Variants in ZNF83 observed in about 807,000 individuals in gnomAD.
ZNF83 encodes zinc finger protein 83, also known as zinc finger protein 816B.
For synonymous variants in ZNF83, 209 were observed against 213.0 expected, an observed-to-expected ratio of 0.98 and a Z score of 0.17; for missense variants, 552 against 629.9, an observed-to-expected ratio of 0.88 and a Z score of 1.32.
chr19:52,636,194 G>A (rs910518906), intron 1 of ZNF83: 4 of 151,756 alleles, frequency 2.6e-5, no homozygotes, highest in African/African-American at 9.7e-5. Flanking sequence ...TCATCACTGT[G>A]GTCCCAGCTA....
rs147161603 is a variant in ZNF83 at position 52,617,260 on chromosome 19, A to T, written c.-233-2463T>A. On this transcript the variant is annotated intron_variant, in intron 2 of 2. Coordinates refer to ENST00000301096, the Ensembl canonical transcript of ZNF83. ...GTGTTGCTGACCATGTCACTTGGTAATCCTTCCTAGACAGCGGTATGTCCA... is the reference window on the plus strand; with the variant it reads ...GTGTTGCTGACCATGTCACTTGGTATTCCTTCCTAGACAGCGGTATGTCCA... 5.9e-5 allele frequency: 9 copies of T among 152,348 alleles called. No homozygotes were observed. In the East Asian group the frequency reaches 1.7e-3, roughly 29 times the overall value. The allele number at this position is 152,348 out of a possible 1,614,324, so 9.4% of individuals were successfully genotyped here.
At chr19:52,641,319 A>G (rs993410414), upstream of ZNF83, among the ~76,000 whole-genome samples, 5 of 152,254 alleles carry the variant, frequency 3.3e-5, no homozygotes, top group African/African-American at 1.2e-4. Flanking sequence ...GTCTGCCTCA[A>G]GAACATAGCA....
chr19:52,684,556 G>A (rs12975331), intron 1 of ZNF83, among the ~76,000 whole-genome samples: 79,709 of 123,986 alleles, frequency 0.64, 23,384 homozygotes, highest in African/African-American at 0.73. Context: ...TCTAAAAAAA[G>A]AAAAAAAAAG....
upstream of ZNF83, among the ~76,000 whole-genome samples, chr19:52,639,427 T>C (rs993063238): frequency 1.7e-4 from 25 of 143,884 alleles, no homozygotes; most frequent in Middle Eastern, 7.1e-3. Flanking sequence ...TTTTTTTTTT[T>C]TTTTTTTTTG....
At chr19:52,645,510 A>T (rs935909812) in intron 3 of ZNF83, among the ~76,000 whole-genome samples, 1 of 152,158 alleles carries the variant, frequency 6.6e-6, no homozygotes, top group African/African-American at 2.4e-5. Flanking sequence ...AATTTTGAAA[A>T]CTAAGATTTA....
At position 52,633,310 on chromosome 19, in the gene ZNF83, T is replaced by C. The variant is rs1003476657; in HGVS notation, c.-234+1756A>G. On this transcript the variant is annotated intron_variant, in intron 2 of 2. Coordinates refer to ENST00000301096, the Ensembl canonical transcript of ZNF83. ...CCCTTCGCTGACTCTCTTTTCAGAC[T>C]CAGCCCACCTGCACCCAGGTGAAAT... 9.5e-4 allele frequency among the ~76,000 whole-genome samples: 144 copies of C among 151,658 alleles called. 3 individuals carry two copies. Among genetic ancestry groups the C allele is most frequent in the Admixed American group, 2.2e-3 (34 of 15,204 alleles).
intron 3 of ZNF83, chr19:52,652,142 G>A: frequency 4.4e-6 from 1 of 226,230 alleles, no homozygotes. Flanking sequence ...TGAATGTAAA[G>A]TAAAGACATT....
chr19:52,616,465 G>C (rs2060308181), intron 2 of ZNF83, among the ~76,000 whole-genome samples: 1 of 152,256 alleles, frequency 6.6e-6, no homozygotes, highest in South Asian at 2.1e-4. Context: ...CAAAGACTTA[G>C]AACCAACCCA....
At chr19:52,622,646 A>G (rs573000583) in intron 2 of ZNF83, among the ~76,000 whole-genome samples, 44 of 151,296 alleles carry the variant, frequency 2.9e-4, no homozygotes, top group Non-Finnish European at 5.1e-4. Context: ...CCCAAGGTAA[A>G]GATGAAAACC....
At chr19:52,620,629 A>C (rs916285064) in intron 2 of ZNF83, among the ~76,000 whole-genome samples, 2 of 152,204 alleles carry the variant, frequency 1.3e-5, no homozygotes, top group Admixed American at 6.5e-5. Flanking sequence ...AGCAGGATGA[A>C]ATATCAGAGT....
intron 1 of ZNF83, among the ~76,000 whole-genome samples, chr19:52,676,069 G>A (rs1012258011): frequency 2.0e-5 from 3 of 151,722 alleles, no homozygotes; most frequent in African/African-American, 7.3e-5. Flanking sequence ...CCCGCTCACT[G>A]CAACCTCCCT....
chr19:52,677,250 G>A (rs1015547346), intron 1 of ZNF83, among the ~76,000 whole-genome samples: 4 of 151,266 alleles, frequency 2.6e-5, no homozygotes, highest in African/African-American at 9.7e-5. Flanking sequence ...AGACTGGGCT[G>A]GAAGTTGGTG....
chr19:52,640,164 C>T (rs1162932024), upstream of ZNF83, among the ~76,000 whole-genome samples: 1 of 152,044 alleles, frequency 6.6e-6, no homozygotes, highest in East Asian at 1.9e-4. Context: ...TCTGGTCAGG[C>T]GCCTACAATC....
At position 52,678,039 on chromosome 19, in the gene ZNF83, CAAAACAAAACAA is replaced by C. The variant is rs1400325213; in HGVS notation, c.-283+12392_-283+12403del. On this transcript the variant is annotated intron_variant, in intron 1 of 5. Transcript: ENST00000594682. The stretch of plus-strand genomic sequence containing the variant: ...GACAGAGTGAGACTGTCTCAAAAAA[CAAAACAAAACAA>C]AAAACAAAACAAAACAGACCCAGAT... Among the ~76,000 whole-genome samples the C allele has an allele frequency of 2.7e-3, 400 of 149,086 alleles. 3 individuals are homozygous for C. The highest frequency in any genetic ancestry group is 7.8e-3 in the Admixed American group (117 of 15,044).
chr19:52,616,211 A>C (rs1008535496), intron 2 of ZNF83, among the ~76,000 whole-genome samples: 4 of 152,196 alleles, frequency 2.6e-5, no homozygotes, highest in Non-Finnish European at 4.4e-5. Flanking sequence ...TACCAACACC[A>C]ACTTGCCAAA....
intron 1 of ZNF83, among the ~76,000 whole-genome samples, chr19:52,668,172 T>C (rs2061679541): frequency 6.6e-6 from 1 of 152,096 alleles, no homozygotes; most frequent in African/African-American, 2.4e-5. Context: ...GGCCTGGGGA[T>C]GACGTTCTCA....
rs78207921 is a variant in ZNF83, at chr19:52,613,686, C to T, written c.879G>A (p.Glu293=). The stretch of plus-strand genomic sequence containing the variant: ...ACTTGTGACTGAAGACCTTGCCACA[C>T]TCATTACATTTGTAAGGTTTCTCTC... Residue 293 remains glutamate (E), a synonymous_variant, in exon 3 of 3, where the codon GAG becomes GAA. Transcript: ENST00000301096. 3.1e-3 allele frequency: 3,334 copies of T among 1,071,988 alleles called. 173 individuals are homozygous for T. The highest frequency in any genetic ancestry group is 0.016 in the Middle Eastern group (79 of 4,938). 66.4% of individuals were successfully genotyped at this position (1,071,988 alleles called of 1,614,324 possible).
At chr19:52,620,254 C>CTCTCTG (rs55700493) in intron 2 of ZNF83, among the ~76,000 whole-genome samples, 8 of 134,442 alleles carry the variant, frequency 6.0e-5, no homozygotes, top group Non-Finnish European at 9.7e-5. Flanking sequence ...GTGTGTATAT[C>CTCTCTG]TGTGTGTGTA....
At chr19:52,687,054 G>C (rs1416551407) in intron 1 of ZNF83, among the ~76,000 whole-genome samples, 1 of 151,456 alleles carries the variant, frequency 6.6e-6, no homozygotes, top group Non-Finnish European at 1.5e-5. Flanking sequence ...GGTGGCGCAT[G>C]CCTGTAATCC....
Sources: gnomAD v4.1 joint callset for allele counts (sites outside exome capture counted in the v4.1 genomes callset) on GRCh38, gnomAD v4.1.1 for gene constraint, MANE v1.5 for transcripts, NCBI Gene and HGNC (gene_info 2026-07-23, HGNC 2026-07-21) for gene names.